Variants in PPP2R1B observed in about 807,000 individuals in gnomAD.
PPP2R1B encodes protein phosphatase 2 scaffold subunit Abeta.
A neutral mutation model predicts 72.7 loss-of-function variants in PPP2R1B; 58 were observed. The observed-to-expected ratio is 0.80, with a 90% CI of 0.65 to 0.99. PPP2R1B has a LOEUF of 0.99. Ranked by LOEUF, PPP2R1B falls within the 50% of genes least tolerant of loss-of-function variation. The pLI, the probability that PPP2R1B is intolerant of heterozygous loss-of-function variation, is 0.00. For synonymous variants in PPP2R1B, 256 were observed against 264.6 expected (o/e 0.97, Z 0.32); for missense variants, 695 against 733.6 (o/e 0.95, Z 0.61).
chr11:111,691,408 C>T, the PPP2R1B span, among the ~76,000 whole-genome samples: 41 of 152,198 alleles, frequency 2.7e-4, no homozygotes, highest in South Asian at 8.3e-4. Flanking sequence ...TTAGCTATTG[C>T]CAGTTACTAG....
Position 111,739,019 on chromosome 11 carries a change from C to A in PPP2R1B, c.*2577G>T, listed in dbSNP as rs1323131938. 2.0e-6 allele frequency: 2 copies of A among 985,154 alleles called. No homozygotes were observed. The highest frequency in any genetic ancestry group is 6.2e-5 in the Admixed American group (1 of 16,236). The allele number at this position is 985,154 out of a possible 1,614,324, so 61.0% of individuals were successfully genotyped here. On this transcript the variant is annotated 3_prime_UTR_variant, in exon 15 of 15. Transcript: ENST00000527614. ...TCTGAAGCAATCAGACAAATCCACA[C>A]AGAACTGTAGTCTAAGCCAGGGGAC...
the PPP2R1B span, among the ~76,000 whole-genome samples, chr11:111,702,487 G>A: frequency 6.6e-6 from 1 of 152,174 alleles, no homozygotes; most frequent in Non-Finnish European, 1.5e-5. Flanking sequence ...TACTCAGGAA[G>A]CTGAGGCAGA....
rs1261679644 is a variant in PPP2R1B at position 111,727,403 on chromosome 11, C to T, written c.1912-346G>A. 5.0e-5 allele frequency: 15 copies of T among 300,008 alleles called. No individual in the cohort carries two copies. The Admixed American group carries it at 6.1e-4, about 12-fold the overall frequency. The allele number at this position is 300,008 out of a possible 1,614,324, so 18.6% of individuals were successfully genotyped here. A position where few individuals can be genotyped will look rare whatever the true frequency, so the allele number is the denominator to read the frequency against. On this transcript the variant is annotated intron_variant, in intron 15 of 15. Transcript: ENST00000311129. ...AACTCCCAAGTGTTTAAACCGTATG[C>T]TGGAGTCAGTGGTTGGGACAGACAG... is the stretch of plus-strand genomic sequence containing the variant.
downstream of PPP2R1B, among the ~76,000 whole-genome samples, chr11:111,734,947 A>G (rs983965667): frequency 6.6e-6 from 1 of 152,260 alleles, no homozygotes; most frequent in Non-Finnish European, 1.5e-5. Flanking sequence ...CTCCAGCCTC[A>G]GGCCCAGAAC....
downstream of PPP2R1B, chr11:111,724,530 G>A (rs530943824): frequency 1.7e-5 from 3 of 173,972 alleles, no homozygotes; most frequent in African/African-American, 7.3e-5. Flanking sequence ...TGGGGGAAAA[G>A]GCAATATATT....
chr11:111,724,029 G>C (rs764276331), downstream of PPP2R1B: 3 of 1,614,184 alleles, frequency 1.9e-6, no homozygotes, highest in Non-Finnish European at 2.5e-6. Flanking sequence ...GCCCCCTCCA[G>C]CTACGACCCA....
At chr11:111,765,535 G>C (rs1945494669) in intron 1 of PPP2R1B, 151 bp from the exon 2 acceptor site, 2 of 690,272 alleles carry the variant, frequency 2.9e-6, no homozygotes, top group Non-Finnish European at 4.8e-6. Flanking sequence ...AAGCTCATAA[G>C]GACTTCCAAA....
At chr11:111,707,952 C>T in the PPP2R1B span, among the ~76,000 whole-genome samples, 1 of 152,138 alleles carries the variant, frequency 6.6e-6, no homozygotes, top group Non-Finnish European at 1.5e-5. Context: ...TACCAAGATA[C>T]AGTTAGTTAA....
At chr11:111,720,407 T>C in the PPP2R1B span, 1 of 1,446,910 alleles carries the variant, frequency 6.9e-7, no homozygotes, top group Non-Finnish European at 9.3e-7. Flanking sequence ...TCAAGCTGGT[T>C]ATGCTTTGTA....
chr11:111,721,521 T>C, the PPP2R1B span, among the ~76,000 whole-genome samples: 2 of 152,240 alleles, frequency 1.3e-5, no homozygotes, highest in Non-Finnish European at 2.9e-5. Flanking sequence ...TGATTTTATT[T>C]TGAGCCTATT....
chr11:111,716,910 T>C, the PPP2R1B span, among the ~76,000 whole-genome samples: 1 of 152,006 alleles, frequency 6.6e-6, no homozygotes, highest in African/African-American at 2.4e-5. Flanking sequence ...ATCCAGCCCA[T>C]AAGGAACTTA....
the PPP2R1B span, among the ~76,000 whole-genome samples, chr11:111,705,434 C>T: frequency 0.24 from 36,279 of 152,130 alleles, 4,585 homozygotes; most frequent in Middle Eastern, 0.32. The surrounding 1 kb of genome is among the most constrained non-coding windows in gnomAD (Gnocchi z 4.3). Flanking sequence ...AGATTTACCA[C>T]GTGCGAGCTT....
the PPP2R1B span, chr11:111,701,043 A>G: frequency 2.5e-6 from 4 of 1,601,320 alleles, no homozygotes; most frequent in Non-Finnish European, 3.4e-6. This position sits in a 1 kb window ranked among gnomAD's most constrained non-coding sequence, Gnocchi z 4.2. Context: ...TGTTAAATGC[A>G]TCTATACTGA....
chr11:111,690,808 C>T, the PPP2R1B span, among the ~76,000 whole-genome samples: 81 of 152,240 alleles, frequency 5.3e-4, 1 homozygote, highest in South Asian at 0.016. Context: ...TTTATGTCTG[C>T]GTAGTATTCC....
Position 111,743,417 on chromosome 11 carries a change from G to A in PPP2R1B, c.1513C>T (p.Pro505Ser), listed in dbSNP as rs144228207. The A allele has an allele frequency of 4.0e-5, 64 of 1,612,294 alleles. No homozygotes were observed. The highest frequency in any genetic ancestry group is 5.3e-5 in the Non-Finnish European group (62 of 1,178,606). The change falls in exon 12 of 15, where the codon CCT becomes TCT. Residue 505 changes from proline to serine, a missense_variant. By Grantham distance (74) the Pro-to-Ser change is moderately conservative (BLOSUM62 -1). Transcript: ENST00000527614. ...GTGGTCATTCTATGCAAGTAATTAGGATCATTTGCCATTACTAACACTTTG... is the reference window on the plus strand; with the variant it reads ...GTGGTCATTCTATGCAAGTAATTAGAATCATTTGCCATTACTAACACTTTG... ...VPKVLVMAND[P>S]NYLHRMTTLF... is the part of the protein sequence containing the mutation.
At chr11:111,690,000 A>C in the PPP2R1B span, among the ~76,000 whole-genome samples, 2 of 147,154 alleles carry the variant, frequency 1.4e-5, no homozygotes, top group Admixed American at 6.8e-5. Flanking sequence ...ATATATATAT[A>C]TCACACATAT....
chr11:111,728,652 G>A (rs1209406691), intron 15 of PPP2R1B: 1 of 151,802 alleles, frequency 6.6e-6, no homozygotes, highest in Non-Finnish European at 1.5e-5. Context: ...GTATCAGCCG[G>A]GCGCGGTGGC....
intron 14 of PPP2R1B, 144 bp downstream of exon 14, chr11:111,741,909 G>A (rs902084484): frequency 1.2e-6 from 1 of 842,412 alleles, no homozygotes. Flanking sequence ...TCTAATCAGA[G>A]AGACACCAGC....
chr11:111,760,698 C>T (rs1257514035), intron 4 of PPP2R1B, 121 bp downstream of exon 4: 1 of 812,342 alleles, frequency 1.2e-6, no homozygotes, highest in Non-Finnish European at 2.0e-6. Context: ...CTAGTATCAG[C>T]CACTCATTGG....
Sources: allele counts gnomAD v4.1 joint callset (sites outside exome capture counted in the v4.1 genomes callset), GRCh38; gene constraint gnomAD v4.1.1; non-coding constraint Gnocchi (gnomAD v3.1); transcripts MANE v1.5; gene names NCBI Gene and HGNC (gene_info 2026-07-23, HGNC 2026-07-21).